UGGT2: variants seen among roughly 807,000 people sequenced by gnomAD.
UGGT2 encodes the protein UDP-glucose:glycoprotein glucosyltransferase 2.
In UGGT2, 180 loss-of-function variants were observed where a neutral mutation model predicts 192.1. That is an observed-to-expected ratio of 0.94 (90% CI 0.83 to 1.06). The LOEUF is 1.06. Ranked by LOEUF, UGGT2 falls within the 50% of genes least tolerant of loss-of-function variation. UGGT2 has a pLI of 0.00. For synonymous variants in UGGT2, 580 were observed against 591.0 expected (o/e 0.98, Z 0.27); for missense variants, 1,849 against 1,795.7 (o/e 1.03, Z -0.54).
intron 37 of UGGT2, 100 bp downstream of exon 37, chr13:95,836,986 A>G: frequency 1.1e-6 from 1 of 920,174 alleles, no homozygotes; most frequent in Non-Finnish European, 1.7e-6. Context: ...GAAGAAGCGA[A>G]GTAATACGTA....
chr13:95,999,791 G>A (rs1384057451), intron 5 of UGGT2, among the ~76,000 whole-genome samples: 9 of 152,058 alleles, frequency 5.9e-5, no homozygotes, highest in Non-Finnish European at 8.8e-5. Flanking sequence ...AGTTAGTGCC[G>A]TGAAATACCT....
chr13:95,809,662 G>C, intron 38 of UGGT2: 1 of 195,406 alleles, frequency 5.1e-6, no homozygotes, highest in Non-Finnish European at 1.1e-5. Flanking sequence ...CAGCCTTTCC[G>C]CAGCCTCAGC....
At chr13:95,990,150 T>A (rs2051412536) in intron 7 of UGGT2, 77 bp from the exon 8 acceptor site, 1 of 827,486 alleles carries the variant, frequency 1.2e-6, no homozygotes, top group African/African-American at 1.7e-5. Flanking sequence ...TTTTTGAAAT[T>A]ACATATTCCA....
chr13:95,829,365 A>C lies in UGGT2; in HGVS notation c.4528+3562T>G, dbSNP rs1399119181. The stretch of plus-strand genomic sequence containing the variant: ...AAATAAAGGGTATTCAATTAGGAAA[A>C]GAGGAAGTCAAATTGTCCCTGTTTG... On this transcript the variant is annotated intron_variant, in intron 38 of 38. Coordinates refer to ENST00000376747, the MANE Select transcript of UGGT2 (RefSeq NM_020121.4). 3.9e-5 allele frequency among the ~76,000 whole-genome samples: 6 copies of C among 152,302 alleles called. 1 individual carries two copies. In the East Asian group the frequency reaches 1.2e-3, roughly 29 times the overall value.
intron 38 of UGGT2, among the ~76,000 whole-genome samples, chr13:95,827,299 T>C (rs974847353): frequency 6.6e-6 from 1 of 152,192 alleles, no homozygotes; most frequent in Non-Finnish European, 1.5e-5. Flanking sequence ...TCTCCAAATG[T>C]ATCCTTATTT....
In UGGT2 at chr13:96,013,055, T is replaced by C. The variant is rs547096171; in HGVS notation, c.660+252A>G. 1.1e-4 allele frequency among the ~76,000 whole-genome samples: 16 copies of C among 152,180 alleles called. No homozygotes were observed. In the South Asian group the frequency reaches 3.1e-3, roughly 30 times the overall value. On this transcript the variant is annotated intron_variant, in intron 5 of 38. Coordinates refer to ENST00000376747, the MANE Select transcript of UGGT2 (RefSeq NM_020121.4). Reference sequence around the variant, plus strand: ...TTCTTAGCAAATATTATACACATTATTGAAGTATGTTTTTGTTTTTTATCC... The same window carrying C: ...TTCTTAGCAAATATTATACACATTACTGAAGTATGTTTTTGTTTTTTATCC...
intron 38 of UGGT2, among the ~76,000 whole-genome samples, chr13:95,806,950 A>T (rs1884336609): frequency 6.6e-6 from 1 of 152,190 alleles, no homozygotes; most frequent in African/African-American, 2.4e-5. Flanking sequence ...ACATACATGG[A>T]AATCTTTGTG....
intron 4 of UGGT2, among the ~76,000 whole-genome samples, chr13:96,016,433 G>T (rs2052339460): frequency 6.6e-6 from 1 of 152,214 alleles, no homozygotes; most frequent in Admixed American, 6.5e-5. Flanking sequence ...TCACTGCCCT[G>T]TGCCATGCCA....
At chr13:96,005,880 G>C (rs1034645939) in intron 5 of UGGT2, among the ~76,000 whole-genome samples, 2 of 152,152 alleles carry the variant, frequency 1.3e-5, no homozygotes, top group Non-Finnish European at 1.5e-5. Context: ...AATCTAAGTG[G>C]GGAGACCTAA....
rs74106070 is a variant in UGGT2 at position 95,970,325 on chromosome 13, A to G, written c.1185-63T>C. The G allele has an allele frequency of 6.5e-4, 940 of 1,440,826 alleles. 4 individuals carry two copies. In the African/African-American group the frequency reaches 0.013, roughly 19 times the overall value. 89.3% of individuals were successfully genotyped at this position (1,440,826 alleles called of 1,614,324 possible). ...TCCAAATTAAAAACAAATGTTTTAA[A>G]GTTTGATAGTCTTAAAGCATTAGAA... On this transcript the variant is annotated intron_variant, in intron 11 of 38. Transcript: ENST00000376747.
intron 30 of UGGT2, among the ~76,000 whole-genome samples, chr13:95,863,930 C>A (rs978276800): frequency 2.2e-4 from 34 of 152,090 alleles, no homozygotes; most frequent in African/African-American, 7.7e-4. Context: ...GTGGTTACCT[C>A]CATATTGCTA....
chr13:95,951,455 A>G (rs1466230131), intron 12 of UGGT2, among the ~76,000 whole-genome samples: 2 of 152,206 alleles, frequency 1.3e-5, no homozygotes, highest in Non-Finnish European at 2.9e-5. Flanking sequence ...CTTGACCCAA[A>G]GGCAGCTGAG....
At chr13:96,008,427 G>T (rs2052050617) in intron 5 of UGGT2, among the ~76,000 whole-genome samples, 1 of 152,164 alleles carries the variant, frequency 6.6e-6, no homozygotes, top group African/African-American at 2.4e-5. Flanking sequence ...AATAGGGAAA[G>T]AGAAAGCAAA....
chr13:96,052,214 G>A (rs554890799), intron 1 of UGGT2, among the ~76,000 whole-genome samples: 21 of 152,326 alleles, frequency 1.4e-4, no homozygotes, highest in Non-Finnish European at 2.8e-4. Context: ...AAGTAAGTCA[G>A]AAATGGAAAA....
intron 29 of UGGT2, among the ~76,000 whole-genome samples, chr13:95,870,903 CCTCTCTTGCT>C (rs1275643172): frequency 1.3e-5 from 2 of 152,262 alleles, no homozygotes; most frequent in South Asian, 2.1e-4. Context: ...CAAGTTTGGC[CCTCTCTTGCT>C]CTCTCTTGTC....
chr13:95,876,605 C>A (rs1891705460), intron 29 of UGGT2, among the ~76,000 whole-genome samples: 1 of 152,190 alleles, frequency 6.6e-6, no homozygotes, highest in Non-Finnish European at 1.5e-5. Context: ...CCCTCTACTT[C>A]CCCCAAGGGG....
chr13:96,001,423 C>T (rs539226519), intron 5 of UGGT2, among the ~76,000 whole-genome samples: 3 of 152,162 alleles, frequency 2.0e-5, no homozygotes, highest in East Asian at 1.9e-4. Flanking sequence ...TCTTATAAAA[C>T]GGCCCCACCC....
In UGGT2 at chr13:95,859,596, A is replaced by G. The variant is rs9525072; in HGVS notation, c.3820T>C (p.Phe1274Leu). Reference sequence around the variant, plus strand: ...AAAAAAAGCTATGTACTTACTTTAAATGTCGGTGAGAGATAATTTTTTAGC... The same window carrying G: ...AAAAAAAGCTATGTACTTACTTTAAGTGTCGGTGAGAGATAATTTTTTAGC... ...WLLKNYLSPT[F>L]KEVIPHMAKE... Residue 1274 changes from phenylalanine to leucine, a missense_variant, in exon 33 of 39, where the codon TTT (phenylalanine) becomes CTT (leucine). Coordinates refer to ENST00000376747, the MANE Select transcript of UGGT2 (RefSeq NM_020121.4). 17,861 of 1,608,302 alleles carry G rather than the reference A, an allele frequency of 0.011. 119 individuals carry two copies. The highest frequency in any genetic ancestry group is 0.013 in the Non-Finnish European group (15,381 of 1,176,838).
At chr13:96,017,866 G>A (rs185195068) in intron 4 of UGGT2, among the ~76,000 whole-genome samples, 11 of 152,104 alleles carry the variant, frequency 7.2e-5, no homozygotes, top group Non-Finnish European at 1.5e-4. Flanking sequence ...AAAGTTTAAA[G>A]CCACAAAAAA....
Sources: gnomAD v4.1 joint callset for allele counts (sites outside exome capture counted in the v4.1 genomes callset) on GRCh38, gnomAD v4.1.1 for gene constraint, MANE v1.5 for transcripts, NCBI Gene and HGNC (gene_info 2026-07-23, HGNC 2026-07-21) for gene names.